CSNK1G1: variants seen among roughly 807,000 people sequenced by gnomAD.
The protein encoded by CSNK1G1 is casein kinase 1 gamma 1.
CSNK1G1 carries 22 observed loss-of-function variants against 59.6 expected under a neutral mutation model. The observed-to-expected ratio is 0.37, with a 90% CI of 0.26 to 0.53. The LOEUF is 0.53. CSNK1G1 is among the 20% of genes least tolerant of loss of function. The pLI, the probability that CSNK1G1 is intolerant of heterozygous loss-of-function variation, is 0.89. For synonymous variants in CSNK1G1, 179 were observed against 177.1 expected, an observed-to-expected ratio of 1.01 and a Z score of -0.08; for missense variants, 384 against 519.5, an observed-to-expected ratio of 0.74 and a Z score of 2.54.
intron 10 of CSNK1G1, chr15:64,193,931 C>T (rs542780379): frequency 7.2e-5 from 11 of 152,204 alleles, no homozygotes; most frequent in Non-Finnish European, 1.6e-4. Flanking sequence ...ATACAAAACA[C>T]TTAACACATA....
At chr15:64,275,280 C>T (rs1893545828) in intron 2 of CSNK1G1, among the ~76,000 whole-genome samples, 1 of 152,172 alleles carries the variant, frequency 6.6e-6, no homozygotes, top group African/African-American at 2.4e-5. Flanking sequence ...CTCAGGTGAG[C>T]CTCCCGTCTG....
intron 1 of CSNK1G1, among the ~76,000 whole-genome samples, chr15:64,343,550 G>C (rs970460399): frequency 1.3e-5 from 2 of 152,002 alleles, no homozygotes; most frequent in Non-Finnish European, 2.9e-5. Flanking sequence ...TCAGAGTTGA[G>C]ATCCACTACT....
chr15:64,244,437 A>G (rs944467728), intron 4 of CSNK1G1, among the ~76,000 whole-genome samples: 2 of 151,922 alleles, frequency 1.3e-5, no homozygotes, highest in Non-Finnish European at 2.9e-5. Flanking sequence ...AGAATATTGT[A>G]AAAATATTAA....
intron 4 of CSNK1G1, among the ~76,000 whole-genome samples, chr15:64,222,437 C>CAACAAAAA (rs2082402048): frequency 1.4e-5 from 1 of 69,004 alleles, no homozygotes. Flanking sequence ...ACAACACCAC[C>CAACAAAAA]AAAAAAAAAA....
chr15:64,175,214 A>G (rs1435506231), intron 11 of CSNK1G1, among the ~76,000 whole-genome samples: 2 of 151,962 alleles, frequency 1.3e-5, no homozygotes, highest in Non-Finnish European at 2.9e-5. Context: ...CACAAAACCC[A>G]GTTGTTTTCT....
chr15:64,180,280 C>T, intron 11 of CSNK1G1, 68 bp downstream of exon 11: 1 of 1,132,428 alleles, frequency 8.8e-7, no homozygotes, highest in South Asian at 1.2e-5. Flanking sequence ...GAGCAGCACA[C>T]AGAGAGGAAG....
At chr15:64,226,504 C>G (rs919640679) in intron 4 of CSNK1G1, among the ~76,000 whole-genome samples, 8 of 151,174 alleles carry the variant, frequency 5.3e-5, no homozygotes, top group Non-Finnish European at 8.8e-5. Context: ...TGCAGTGAGC[C>G]AAGATCGCAA....
intron 4 of CSNK1G1, among the ~76,000 whole-genome samples, chr15:64,229,413 C>A (rs2082509790): frequency 6.6e-6 from 1 of 152,152 alleles, no homozygotes; most frequent in African/African-American, 2.4e-5. Context: ...TATCTGCCTG[C>A]CTGGGAAAAC....
At position 64,329,694 on chromosome 15, in the gene CSNK1G1, T is replaced by TA. The variant is rs755979281; in HGVS notation, c.-225+26293dup. Among the ~76,000 whole-genome samples the TA allele has an allele frequency of 5.1e-3, 301 of 59,260 alleles. 1 individual carries two copies. Among genetic ancestry groups the TA allele is most frequent in the Non-Finnish European group, 8.4e-3 (247 of 29,410 alleles). 38.9% of individuals were successfully genotyped at this position (59,260 alleles called of 152,430 possible). A position where few individuals can be genotyped will look rare whatever the true frequency, so the allele number is the denominator to read the frequency against. On this transcript the variant is annotated intron_variant, in intron 1 of 11. Transcript: ENST00000303052. ...AAAATCAGAGCAGAACTGAAGGAAA[T>TA]AGAGACACAAAAAACCCTTCAAAAA...
At chr15:64,306,364 G>C (rs1023965675) in intron 1 of CSNK1G1, among the ~76,000 whole-genome samples, 1 of 152,168 alleles carries the variant, frequency 6.6e-6, no homozygotes, top group Admixed American at 6.6e-5. Context: ...AAGATATACG[G>C]ATGGCAAATA....
At chr15:64,238,442 A>G (rs1348986027) in intron 4 of CSNK1G1, among the ~76,000 whole-genome samples, 1 of 141,012 alleles carries the variant, frequency 7.1e-6, no homozygotes, top group Non-Finnish European at 1.5e-5. Context: ...GCAGTAAGCT[A>G]TGATCACGCC....
intron 1 of CSNK1G1, among the ~76,000 whole-genome samples, chr15:64,308,862 A>G (rs867251737): frequency 4.7e-5 from 7 of 150,164 alleles, no homozygotes; most frequent in African/African-American, 1.5e-4. Context: ...ACGCCACTGC[A>G]CTCCAGCCTG....
intron 9 of CSNK1G1, 63 bp from the exon 10 acceptor site, chr15:64,203,252 G>A: frequency 4.0e-6 from 4 of 998,550 alleles, no homozygotes; most frequent in Non-Finnish European, 6.3e-6. Context: ...ATATGCAAAG[G>A]ACAGAATGAT....
chr15:64,260,600 T>G (rs1226300830), intron 2 of CSNK1G1, among the ~76,000 whole-genome samples: 4 of 151,566 alleles, frequency 2.6e-5, no homozygotes, highest in African/African-American at 7.3e-5. Context: ...TAGCCGGGGG[T>G]GGTGGTGAAT....
chr15:64,322,047 C>T (rs1270562278), intron 1 of CSNK1G1, among the ~76,000 whole-genome samples: 1 of 152,030 alleles, frequency 6.6e-6, no homozygotes, highest in Non-Finnish European at 1.5e-5. Context: ...CTTTTGCCTT[C>T]TGAAATCAAT....
At chr15:64,320,098 A>G (rs1268667401) in intron 1 of CSNK1G1, among the ~76,000 whole-genome samples, 2 of 151,716 alleles carry the variant, frequency 1.3e-5, no homozygotes, top group East Asian at 3.9e-4. Flanking sequence ...GTAGAGACAG[A>G]GTCTCACCAT....
chr15:64,309,965 T>A (rs939725957), intron 1 of CSNK1G1, among the ~76,000 whole-genome samples: 3 of 151,156 alleles, frequency 2.0e-5, no homozygotes, highest in Admixed American at 1.3e-4. Context: ...TTTTTTTTTT[T>A]AAATTAGCAG....
chr15:64,293,258 G>T (rs538210079), intron 2 of CSNK1G1, among the ~76,000 whole-genome samples: 4 of 151,982 alleles, frequency 2.6e-5, no homozygotes, highest in African/African-American at 9.7e-5. Flanking sequence ...TTTCATTGAG[G>T]CAGTACACAA....
intron 2 of CSNK1G1, among the ~76,000 whole-genome samples, chr15:64,277,840 TATATTTAATAATAATATTG>T (rs1893804480): frequency 7.2e-6 from 1 of 139,514 alleles, no homozygotes; most frequent in African/African-American, 2.6e-5. Context: ...ATAATATTGA[TATATTTAATAATAATATTG>T]ATATATTTAA....
Sources: allele counts gnomAD v4.1 joint callset (sites outside exome capture counted in the v4.1 genomes callset), GRCh38; gene constraint gnomAD v4.1.1; transcripts MANE v1.5; gene names NCBI Gene and HGNC (gene_info 2026-07-23, HGNC 2026-07-21).